BAG2: variants seen among roughly 807,000 people sequenced by gnomAD.
BAG2 encodes BAG family molecular chaperone regulator 2.
A neutral mutation model predicts 16.4 loss-of-function variants in BAG2; 8 were observed. The ratio of observed to expected loss-of-function variants is 0.49; its 90% confidence interval spans 0.29 to 0.88. The LOEUF is 0.88. Among genes scored for constraint, BAG2 ranks in the 40% least tolerant of loss-of-function variants. BAG2 has a pLI of 0.09. For missense variants in BAG2, 218 were observed against 248.9 expected, an observed-to-expected ratio of 0.88 and a Z score of 0.84; for synonymous variants, 82 against 89.2, an observed-to-expected ratio of 0.92 and a Z score of 0.46.
chr6:57,181,963 G>GT, intron 1 of BAG2, 69 bp from the exon 2 acceptor site: 1 of 1,325,478 alleles, frequency 7.5e-7, no homozygotes, highest in South Asian at 1.3e-5. Flanking sequence ...GGTTGAATGA[G>GT]AGATAAAGAA....
rs1011572281 is a variant in BAG2 at position 57,186,723 on chromosome 6, T to C, written c.*2533T>C. Reference sequence around the variant, plus strand: ...CACATTTTTACCCTCATTTAAACTATTGTCTTTTATATAGACTATAAGTGG... The same window carrying C: ...CACATTTTTACCCTCATTTAAACTACTGTCTTTTATATAGACTATAAGTGG... On this transcript the variant is annotated 3_prime_UTR_variant, in exon 3 of 3. Coordinates refer to ENST00000370693, the MANE Select transcript of BAG2 (RefSeq NM_004282.4). The C allele has an allele frequency of 2.5e-4, 38 of 152,244 alleles. No individual in the cohort carries two copies. The highest frequency in any genetic ancestry group is 4.1e-4 in the South Asian group (2 of 4,834). The allele number at this position is 152,244 out of a possible 1,614,324, so 9.4% of individuals were successfully genotyped here.
chr6:57,173,095 C>G, intron 1 of BAG2: 2 of 1,009,522 alleles, frequency 2.0e-6, no homozygotes, highest in Non-Finnish European at 2.4e-6. Context: ...TGTTAGGGAG[C>G]GGAAAAAAAT....
chr6:57,180,452 C>A (rs1478573523), intron 1 of BAG2, among the ~76,000 whole-genome samples: 3 of 150,960 alleles, frequency 2.0e-5, no homozygotes, highest in African/African-American at 7.3e-5. Flanking sequence ...AAAAAAAAAC[C>A]CAAAACTTGG....
intron 1 of BAG2, among the ~76,000 whole-genome samples, chr6:57,178,528 T>C (rs560085777): frequency 2.0e-5 from 3 of 152,212 alleles, no homozygotes; most frequent in Non-Finnish European, 2.9e-5. Context: ...AATTGGGTTT[T>C]GAAAAAGGTG....
Position 57,188,427 on chromosome 6 carries a change from C to CT in BAG2, c.*4244dup, listed in dbSNP as rs1296255531. On this transcript the variant is annotated 3_prime_UTR_variant, in exon 3 of 3. Coordinates refer to ENST00000370693, the MANE Select transcript of BAG2 (RefSeq NM_004282.4). ...GAACTGTAACTATCCTCAGAGATTA[C>CT]TTTTTTTAAATATAGAAAGGTAACA... 1 of 152,112 alleles carries CT rather than the reference C, an allele frequency of 6.6e-6. No individual in the cohort carries two copies. The highest frequency in any genetic ancestry group is 1.5e-5 in the Non-Finnish European group (1 of 68,014). 9.4% of individuals were successfully genotyped at this position (152,112 alleles called of 1,614,324 possible). A position where few individuals can be genotyped will look rare whatever the true frequency, so the allele number is the denominator to read the frequency against.
At chr6:57,179,971 AG>A (rs1764390963) in intron 1 of BAG2, among the ~76,000 whole-genome samples, 1 of 151,940 alleles carries the variant, frequency 6.6e-6, no homozygotes, top group Admixed American at 6.6e-5. Flanking sequence ...AAAAAAAAAA[AG>A]TAATAGGATT....
chr6:57,181,259 T>A (rs1216786630), intron 1 of BAG2, among the ~76,000 whole-genome samples: 1 of 152,142 alleles, frequency 6.6e-6, no homozygotes, highest in Non-Finnish European at 1.5e-5. Flanking sequence ...AAAGGGGAGA[T>A]GTATTCATAG....
In BAG2 at chr6:57,186,492, A is replaced by C. The variant is rs567944344; in HGVS notation, c.*2302A>C. The C allele has an allele frequency of 4.6e-5, 7 of 152,058 alleles. No individual in the cohort carries two copies. Among genetic ancestry groups the C allele is most frequent in the Non-Finnish European group, 8.8e-5 (6 of 68,090 alleles). The allele number at this position is 152,058 out of a possible 1,614,324, so 9.4% of individuals were successfully genotyped here. On this transcript the variant is annotated 3_prime_UTR_variant, in exon 3 of 3. Coordinates refer to ENST00000370693, the MANE Select transcript of BAG2 (RefSeq NM_004282.4). Reference sequence around the variant, plus strand: ...CCACCACGCCCGGCTAAATTTTTGTATTTTTAGTAGACATGGGGTTTCACC... The same window carrying C: ...CCACCACGCCCGGCTAAATTTTTGTCTTTTTAGTAGACATGGGGTTTCACC...
Position 57,187,543 on chromosome 6 carries a change from A to ATGAT in BAG2, c.*3354_*3357dup, listed in dbSNP as rs1210914359. 8 of 152,322 alleles carry ATGAT rather than the reference A, an allele frequency of 5.3e-5. No homozygotes were observed. Among genetic ancestry groups the ATGAT allele is most frequent in the Admixed American group, 3.9e-4 (6 of 15,306 alleles). 9.4% of individuals were successfully genotyped at this position (152,322 alleles called of 1,614,324 possible). A position where few individuals can be genotyped will look rare whatever the true frequency, so the allele number is the denominator to read the frequency against. The stretch of plus-strand genomic sequence containing the variant: ...ATTTTGTTTTCAGAGAAACAGACTA[A>ATGAT]TGATAGATTAATGGGAACATTTTAT... On this transcript the variant is annotated 3_prime_UTR_variant, in exon 3 of 3. Transcript: ENST00000370693.
rs1764558069 is a variant in BAG2, at chr6:57,184,265, T to A, written c.*75T>A. On this transcript the variant is annotated 3_prime_UTR_variant, in exon 3 of 3. Coordinates refer to ENST00000370693, the MANE Select transcript of BAG2 (RefSeq NM_004282.4). The stretch of plus-strand genomic sequence containing the variant: ...AAATACTATTTTAATTGATAACTAG[T>A]TCTTTGTTAGGTATAACCACTTAGT... The A allele has an allele frequency of 7.5e-7, 1 of 1,332,552 alleles. No homozygotes were observed. Among genetic ancestry groups the A allele is most frequent in the Non-Finnish European group, 9.7e-7 (1 of 1,029,666 alleles). 82.5% of individuals were successfully genotyped at this position (1,332,552 alleles called of 1,614,324 possible).
rs144670802 is a variant in BAG2 at position 57,175,420 on chromosome 6, ATCTC to A, written c.113+2618_113+2621del. 2.6e-5 allele frequency among the ~76,000 whole-genome samples: 4 copies of A among 152,118 alleles called. 1 individual carries two copies. In the South Asian group the frequency reaches 6.2e-4, roughly 24 times the overall value. ...GGTGCTTTAGGCCTCAGGAAAAAGA[ATCTC>A]TCTCTCTGACCTTCTTTCACCTGCC... On this transcript the variant is annotated intron_variant, in intron 1 of 2. Coordinates refer to ENST00000370693, the MANE Select transcript of BAG2 (RefSeq NM_004282.4).
intron 2 of BAG2, among the ~76,000 whole-genome samples, chr6:57,183,132 A>C (rs1764514560): frequency 6.6e-6 from 1 of 152,228 alleles, no homozygotes; most frequent in South Asian, 2.1e-4. Flanking sequence ...ACACATCTAT[A>C]GGTAGGCCAT....
At chr6:57,182,284 G>A in intron 2 of BAG2, 143 bp downstream of exon 2, 1 of 579,706 alleles carries the variant, frequency 1.7e-6, no homozygotes, top group East Asian at 2.9e-5. Flanking sequence ...AGCAGCTGCA[G>A]CTGTCAGTTC....
intron 2 of BAG2, among the ~76,000 whole-genome samples, chr6:57,182,911 A>G (rs1764507882): frequency 6.6e-6 from 1 of 152,130 alleles, no homozygotes; most frequent in Non-Finnish European, 1.5e-5. Flanking sequence ...TCAGCCTCCC[A>G]AAGTGCTGGG....
At position 57,185,094 on chromosome 6, in the gene BAG2, AT is replaced by A. The variant is rs1244837184; in HGVS notation, c.*906del. On this transcript the variant is annotated 3_prime_UTR_variant, in exon 3 of 3. Transcript: ENST00000370693. ...TCTCTGTATAAAGGCCCAGCAGTGA[AT>A]TATATTGGGTCAAAGGATATAGACG... is the stretch of plus-strand genomic sequence containing the variant. 1.3e-5 allele frequency: 2 copies of A among 152,130 alleles called. No individual in the cohort carries two copies. The highest frequency in any genetic ancestry group is 2.9e-5 in the Non-Finnish European group (2 of 68,020). The allele number at this position is 152,130 out of a possible 1,614,324, so 9.4% of individuals were successfully genotyped here.
At chr6:57,173,276 A>G in intron 1 of BAG2, 1 of 985,748 alleles carries the variant, frequency 1.0e-6, no homozygotes, top group East Asian at 1.1e-4. Flanking sequence ...CGTGAAGTTA[A>G]GTTTCCTTGC....
Position 57,172,406 on chromosome 6 carries a change from C to A in BAG2, c.-292C>A. The stretch of plus-strand genomic sequence containing the variant: ...CTCAGAGACTTGCGCTCCCCAGGCC[C>A]GAGCCCCTGTCGGCCCATCCTCGAG... On this transcript the variant is annotated 5_prime_UTR_variant, in exon 1 of 3. Coordinates refer to ENST00000370693, the MANE Select transcript of BAG2 (RefSeq NM_004282.4). 4.5e-6 allele frequency: 1 copy of A among 223,220 alleles called. No individual in the cohort carries two copies. Among genetic ancestry groups the A allele is most frequent in the Non-Finnish European group, 8.7e-6 (1 of 114,460 alleles). 13.8% of individuals were successfully genotyped at this position (223,220 alleles called of 1,614,324 possible).
chr6:57,182,998 C>A (rs141976239), intron 2 of BAG2, among the ~76,000 whole-genome samples: 1 of 152,182 alleles, frequency 6.6e-6, no homozygotes, highest in African/African-American at 2.4e-5. Context: ...TAGGTCACTT[C>A]TGATTTTCTT....
At chr6:57,183,272 C>A (rs915225779) in intron 2 of BAG2, among the ~76,000 whole-genome samples, 2 of 152,198 alleles carry the variant, frequency 1.3e-5, no homozygotes, top group Non-Finnish European at 2.9e-5. Context: ...AGACTTTAGA[C>A]CACTGTCCTG....
Sources: gnomAD v4.1 joint callset for allele counts (sites outside exome capture counted in the v4.1 genomes callset) on GRCh38, gnomAD v4.1.1 for gene constraint, MANE v1.5 for transcripts, NCBI Gene and HGNC (gene_info 2026-07-23, HGNC 2026-07-21) for gene names.